HDAC8: variants seen among roughly 807,000 people sequenced by gnomAD.
HDAC8 encodes the protein histone deacetylase 8.
In HDAC8, 1 loss-of-function variant was observed where a neutral mutation model predicts 32.2. The ratio of observed to expected loss-of-function variants is 0.03; its 90% CI spans 0.01 to 0.15. The LOEUF (loss-of-function observed/expected upper bound fraction) is 0.15, where lower values mean the gene tolerates loss of function less well. Ranked by LOEUF, HDAC8 falls within the 10% of genes least tolerant of loss-of-function variation. The pLI is 1.00. For missense variants in HDAC8, 117 were observed against 300.0 expected, an observed-to-expected ratio of 0.39 and a Z score of 4.51; for synonymous variants, 108 against 113.9, an observed-to-expected ratio of 0.95 and a Z score of 0.33.
intron 7 of HDAC8, among the ~76,000 whole-genome samples, chrX:72,483,879 AC>A (rs1371025016): frequency 8.9e-6 from 1 of 112,009 alleles, no homozygotes; most frequent in Non-Finnish European, 1.9e-5. Context: ...AAAAGATTCT[AC>A]CCAGGAATAA....
intron 7 of HDAC8, among the ~76,000 whole-genome samples, chrX:72,472,266 A>G (rs925164669): frequency 1.1e-4 from 12 of 108,489 alleles, no homozygotes; most frequent in Non-Finnish European, 2.3e-4. Context: ...ACGGGGTTTC[A>G]CCGTTTTAGC....
intron 7 of HDAC8, among the ~76,000 whole-genome samples, chrX:72,464,989 A>C (rs1204084454): frequency 1.8e-5 from 2 of 112,152 alleles, no homozygotes; most frequent in Non-Finnish European, 3.8e-5. Flanking sequence ...TCTGTTTTAA[A>C]ATTCAGACTT....
intron 7 of HDAC8, among the ~76,000 whole-genome samples, chrX:72,465,752 C>T (rs1312547191): frequency 1.8e-5 from 2 of 111,641 alleles, no homozygotes; most frequent in African/African-American, 6.5e-5. Flanking sequence ...TGTCAAATTA[C>T]ACCAGTGCAG....
At chrX:72,344,571 G>A (rs2043974093) in intron 10 of HDAC8, among the ~76,000 whole-genome samples, 1 of 111,949 alleles carries the variant, frequency 8.9e-6, no homozygotes, top group Admixed American at 9.4e-5. Context: ...TTTTCATGTA[G>A]ATACACTGTA....
At chrX:72,364,384 G>C (rs1461263611) in intron 9 of HDAC8, among the ~76,000 whole-genome samples, 1 of 111,571 alleles carries the variant, frequency 9.0e-6, no homozygotes, top group Non-Finnish European at 1.9e-5. Flanking sequence ...CCTATGTGGA[G>C]ATCCTACATC....
chrX:72,572,387 G>A, intron 1 of HDAC8: 1 of 417,140 alleles, frequency 2.4e-6, no homozygotes. Context: ...TCCCCTATGA[G>A]TGGAAACTGC....
intron 10 of HDAC8, among the ~76,000 whole-genome samples, chrX:72,350,008 T>C (rs959187584): frequency 4.5e-5 from 5 of 111,406 alleles, no homozygotes; most frequent in South Asian, 3.8e-4. Context: ...ACACAGGACA[T>C]GCGTACCAGG....
At chrX:72,555,776 G>T (rs2051262468) in intron 4 of HDAC8, among the ~76,000 whole-genome samples, 1 of 112,567 alleles carries the variant, frequency 8.9e-6, no homozygotes, top group Non-Finnish European at 1.9e-5. Flanking sequence ...CCAAACCTAA[G>T]AATAATTTGT....
At chrX:72,400,112 C>T (rs781804565) in intron 9 of HDAC8, among the ~76,000 whole-genome samples, 2 of 111,801 alleles carry the variant, frequency 1.8e-5, no homozygotes, top group Non-Finnish European at 3.8e-5. Flanking sequence ...TGGTTATTCT[C>T]TCTCAGTCTT....
intron 9 of HDAC8, among the ~76,000 whole-genome samples, chrX:72,364,725 C>A (rs1196670148): frequency 2.7e-5 from 3 of 110,720 alleles, no homozygotes; most frequent in African/African-American, 9.9e-5. Context: ...TCAAAATACC[C>A]GAAATAATGG....
At chrX:72,358,144 T>C (rs781889096) in intron 9 of HDAC8, among the ~76,000 whole-genome samples, 12 of 110,816 alleles carry the variant, frequency 1.1e-4, no homozygotes, top group Non-Finnish European at 1.7e-4. Flanking sequence ...CTCCAACTCC[T>C]GACCTTAAGT....
chrX:72,428,179 C>G (rs782416641), intron 9 of HDAC8, among the ~76,000 whole-genome samples: 1 of 112,151 alleles, frequency 8.9e-6, no homozygotes, highest in African/African-American at 3.2e-5. Flanking sequence ...CTGCAACCTC[C>G]GCCTCCCAGG....
chrX:72,387,012 G>A (rs2045452888), intron 9 of HDAC8, among the ~76,000 whole-genome samples: 1 of 111,788 alleles, frequency 8.9e-6, no homozygotes, highest in Non-Finnish European at 1.9e-5. Flanking sequence ...AGAACAGCAG[G>A]GACCTCTCTT....
At chrX:72,510,122 CA>C (rs1208557997) in intron 4 of HDAC8, among the ~76,000 whole-genome samples, 1 of 111,661 alleles carries the variant, frequency 9.0e-6, no homozygotes, top group Non-Finnish European at 1.9e-5. Context: ...GTAAATGAGC[CA>C]GCGTCAAACT....
intron 9 of HDAC8, among the ~76,000 whole-genome samples, chrX:72,399,246 TC>T (rs782391680): frequency 1.8e-5 from 2 of 111,894 alleles, no homozygotes; most frequent in African/African-American, 6.5e-5. Context: ...ATTCACTCTT[TC>T]CTTGACCGAT....
chrX:72,397,150 G>A lies in HDAC8; in HGVS notation c.1006-45312C>T, dbSNP rs782788131. On this transcript the variant is annotated intron_variant, in intron 9 of 10. Coordinates refer to ENST00000373573, the MANE Select transcript of HDAC8 (RefSeq NM_018486.3). Reference sequence around the variant, plus strand: ...ACCAGATCTCATGACTCACTATCACGAGGGTGGCATCAAAACATGAGGGAT... The same window carrying A: ...ACCAGATCTCATGACTCACTATCACAAGGGTGGCATCAAAACATGAGGGAT... Among the ~76,000 whole-genome samples the A allele has an allele frequency of 2.8e-3, 313 of 110,960 alleles. 2 individuals are homozygous for A. The highest frequency in any genetic ancestry group is 9.5e-3 in the African/African-American group (290 of 30,481).
intron 4 of HDAC8, among the ~76,000 whole-genome samples, chrX:72,497,432 A>G (rs2049063785): frequency 8.9e-6 from 1 of 112,077 alleles, no homozygotes; most frequent in Admixed American, 9.5e-5. Context: ...GTATTCCTAT[A>G]AAAACAAACT....
At chrX:72,539,487 G>A (rs1047509014) in intron 4 of HDAC8, among the ~76,000 whole-genome samples, 9 of 108,738 alleles carry the variant, frequency 8.3e-5, no homozygotes, top group Admixed American at 4.0e-4. Flanking sequence ...TGATCCACCC[G>A]CCTCGGCCTC....
At chrX:72,367,410 G>A (rs782798494) in intron 9 of HDAC8, among the ~76,000 whole-genome samples, 29 of 112,188 alleles carry the variant, frequency 2.6e-4, no homozygotes, top group Admixed American at 3.8e-4. Flanking sequence ...CTGTCGCCAC[G>A]TTGGTCAAAT....
Sources: gnomAD v4.1 joint callset for allele counts (sites outside exome capture counted in the v4.1 genomes callset) on GRCh38, gnomAD v4.1.1 for gene constraint, MANE v1.5 for transcripts, NCBI Gene and HGNC (gene_info 2026-07-23, HGNC 2026-07-21) for gene names.